The following PJA2 variants were observed in gnomAD, a reference collection of about 807,000 sequenced individuals.
PJA2 encodes the protein praja ring finger ubiquitin ligase 2.
In PJA2, 25 loss-of-function variants were observed where a neutral mutation model predicts 69.3. The ratio of observed to expected loss-of-function variants is 0.36; its 90% confidence interval spans 0.26 to 0.50. The LOEUF (loss-of-function observed/expected upper bound fraction) is 0.50. Ranked by LOEUF, PJA2 falls within the 20% of genes least tolerant of loss-of-function variation. PJA2 has a pLI of 0.96. For missense variants in PJA2, 809 were observed against 830.2 expected, an observed-to-expected ratio of 0.97 and a Z score of 0.31; for synonymous variants, 308 against 277.8, an observed-to-expected ratio of 1.11 and a Z score of -1.08.
At position 109,362,872 on chromosome 5, in the gene PJA2, G is replaced by A; in HGVS notation, c.1620C>T (p.Ser540=). 2 of 1,612,418 alleles carry A rather than the reference G, an allele frequency of 1.2e-6. No individual in the cohort carries two copies. The highest frequency in any genetic ancestry group is 1.3e-5 in the African/African-American group (1 of 75,000). Residue 540 remains serine (S), a synonymous_variant, in exon 6 of 10, where the codon TCC becomes TCT. Coordinates refer to ENST00000361189, the MANE Select transcript of PJA2 (RefSeq NM_014819.5). ...LDGNNNLEDD[S]SVSEDLDVDW... ...CCACATCTAAGTCTTCACTCACACTGGAGTCATCCTCCAGGTTATTGTTAC... is the reference window on the plus strand; with the variant it reads ...CCACATCTAAGTCTTCACTCACACTAGAGTCATCCTCCAGGTTATTGTTAC...
Position 109,378,615 on chromosome 5 carries a change from C to A in PJA2, c.872G>T (p.Gly291Val). 1.2e-6 allele frequency: 2 copies of A among 1,614,112 alleles called. No individual in the cohort carries two copies. The highest frequency in any genetic ancestry group is 2.2e-5 in the East Asian group (1 of 44,886). Reference sequence around the variant, plus strand: ...GGTATTTTGTTCACTACAAATATGCCCTGGACCACAGGCTGCATCTTCAGG... The same window carrying A: ...GGTATTTTGTTCACTACAAATATGCACTGGACCACAGGCTGCATCTTCAGG... Reference protein sequence around the residue: ...HSPEDAACGPGHICSEQNTND... With the variant: ...HSPEDAACGPVHICSEQNTND... The change falls in exon 4 of 10, where the codon GGG becomes GTG. Residue 291 changes from glycine to valine, a missense_variant. Physicochemically the swap from Gly to Val is moderately radical, Grantham distance 109. Around this residue, in one of 4 missense-constraint regions of PJA2, gnomAD observed 700 missense variants for 639.5 expected, o/e 1.09. Coordinates refer to ENST00000361189, the MANE Select transcript of PJA2 (RefSeq NM_014819.5).
intron 1 of PJA2, among the ~76,000 whole-genome samples, chr5:109,408,871 C>T (rs1380095499): frequency 6.6e-6 from 1 of 152,202 alleles, no homozygotes; most frequent in African/African-American, 2.4e-5. Flanking sequence ...TAGCCTTCAG[C>T]AAAGGTGACT....
Position 109,342,266 on chromosome 5 carries a change from G to A in PJA2, c.2001+1924C>T, listed in dbSNP as rs867100011. 7.9e-3 allele frequency among the ~76,000 whole-genome samples: 560 copies of A among 70,692 alleles called. 1 individual carries two copies. Among genetic ancestry groups the A allele is most frequent in the Non-Finnish European group, 0.011 (360 of 32,236 alleles). 46.4% of individuals were successfully genotyped at this position (70,692 alleles called of 152,430 possible). A position where few individuals can be genotyped will look rare whatever the true frequency, so the allele number is the denominator to read the frequency against. On this transcript the variant is annotated intron_variant, in intron 9 of 9. Transcript: ENST00000361189. Reference sequence around the variant, plus strand: ...AGGTGAGGGGCGCCTCTGCCCGGCCGCCCCTACTGGGAAGTGAGGAGCCCC... The same window carrying A: ...AGGTGAGGGGCGCCTCTGCCCGGCCACCCCTACTGGGAAGTGAGGAGCCCC...
intron 5 of PJA2, 117 bp downstream of exon 5, chr5:109,368,444 G>T (rs1582604955): frequency 1.3e-6 from 1 of 786,492 alleles, no homozygotes. Flanking sequence ...AATCAGGGGG[G>T]CCTACTGGTT....
chr5:109,343,289 A>G (rs1415612341), intron 9 of PJA2, among the ~76,000 whole-genome samples: 3 of 59,662 alleles, frequency 5.0e-5, no homozygotes, highest in Admixed American at 2.3e-4. Context: ...AAAAAAAAAA[A>G]AAAGAAAGAA....
chr5:109,344,357 T>C (rs1230409707), intron 8 of PJA2, 46 bp from the exon 9 acceptor site: 6 of 1,551,692 alleles, frequency 3.9e-6, no homozygotes, highest in Non-Finnish European at 4.3e-6. Context: ...AGTTCAATTT[T>C]AGTAAAACTG....
At chr5:109,354,358 T>TATGATATCTCGAG (rs547023539) in intron 7 of PJA2, among the ~76,000 whole-genome samples, 1 of 112,702 alleles carries the variant, frequency 8.9e-6, no homozygotes, top group African/African-American at 3.9e-5. Context: ...ATTGGATATC[T>TATGATATCTCGAG]ATATCTAGAG....
At chr5:109,350,734 C>A (rs1245160410) in intron 7 of PJA2, among the ~76,000 whole-genome samples, 1 of 152,156 alleles carries the variant, frequency 6.6e-6, no homozygotes. Flanking sequence ...GGTCACACAG[C>A]CAAACTCTTT....
chr5:109,339,052 A>C (rs1761995288), intron 9 of PJA2, among the ~76,000 whole-genome samples: 1 of 152,232 alleles, frequency 6.6e-6, no homozygotes, highest in African/African-American at 2.4e-5. Flanking sequence ...ATCATGCCAG[A>C]CTTCAGGAGC....
At chr5:109,391,416 TTCTG>T (rs555680360) in intron 1 of PJA2, among the ~76,000 whole-genome samples, 51 of 152,322 alleles carry the variant, frequency 3.3e-4, no homozygotes, top group South Asian at 2.7e-3. Context: ...CCCTCTCTGC[TTCTG>T]TCTGTCTAAA....
intron 7 of PJA2, among the ~76,000 whole-genome samples, chr5:109,345,874 G>A (rs1023185185): frequency 6.6e-6 from 1 of 152,230 alleles, no homozygotes; most frequent in Non-Finnish European, 1.5e-5. Context: ...AGGATGGAAA[G>A]AACATCAGAT....
At position 109,367,368 on chromosome 5, in the gene PJA2, G is replaced by A. The variant is rs1005130670; in HGVS notation, c.1469+1193C>T. On this transcript the variant is annotated intron_variant, in intron 5 of 9. Coordinates refer to ENST00000361189, the MANE Select transcript of PJA2 (RefSeq NM_014819.5). ...TTGAGAAGTACAAGTTTTAATATTA[G>A]TCTACACTGAAAAAGTTCTTTTCCT... 5.6e-4 allele frequency among the ~76,000 whole-genome samples: 79 copies of A among 141,950 alleles called. 1 individual carries two copies. The highest frequency in any genetic ancestry group is 2.3e-3 in the African/African-American group (79 of 34,878). 93.1% of individuals were successfully genotyped at this position (141,950 alleles called of 152,430 possible). A position where few individuals can be genotyped will look rare whatever the true frequency, so the allele number is the denominator to read the frequency against.
At chr5:109,343,460 T>C (rs1762120740) in intron 9 of PJA2, among the ~76,000 whole-genome samples, 1 of 151,808 alleles carries the variant, frequency 6.6e-6, no homozygotes, top group African/African-American at 2.4e-5. Context: ...CTCATATACA[T>C]TTCAGAAACA....
At chr5:109,356,577 C>T (rs1406749667) in intron 6 of PJA2, among the ~76,000 whole-genome samples, 1 of 152,164 alleles carries the variant, frequency 6.6e-6, no homozygotes, top group Admixed American at 6.5e-5. Flanking sequence ...CATTTCCCCA[C>T]CCGATTATTT....
intron 1 of PJA2, among the ~76,000 whole-genome samples, chr5:109,392,356 G>T (rs973241204): frequency 2.0e-5 from 3 of 151,860 alleles, no homozygotes; most frequent in Non-Finnish European, 4.4e-5. Flanking sequence ...AGGCCAGGAG[G>T]TGGAGACCAG....
At chr5:109,353,217 T>A (rs914922213) in intron 7 of PJA2, among the ~76,000 whole-genome samples, 2 of 142,028 alleles carry the variant, frequency 1.4e-5, no homozygotes, top group African/African-American at 5.1e-5. Context: ...TATCTATAGA[T>A]ATCTATATAT....
intron 1 of PJA2, among the ~76,000 whole-genome samples, chr5:109,407,993 G>A (rs925562221): frequency 6.6e-6 from 1 of 152,050 alleles, no homozygotes; most frequent in African/African-American, 2.4e-5. Context: ...AGTTTACCTA[G>A]AAGAAGAAAT....
At chr5:109,361,247 T>G (rs893378765) in intron 6 of PJA2, among the ~76,000 whole-genome samples, 2 of 152,204 alleles carry the variant, frequency 1.3e-5, no homozygotes, top group African/African-American at 4.8e-5. Context: ...ATACTACATA[T>G]CTCAGTAATG....
chr5:109,352,131 T>C (rs1289134220), intron 7 of PJA2, among the ~76,000 whole-genome samples: 1 of 152,164 alleles, frequency 6.6e-6, no homozygotes, highest in African/African-American at 2.4e-5. Flanking sequence ...ATAATGCCAC[T>C]GAGTTCACTA....
Sources: allele counts gnomAD v4.1 joint callset (sites outside exome capture counted in the v4.1 genomes callset), GRCh38; gene constraint gnomAD v4.1.1; regional missense constraint gnomAD v4.1.1; transcripts MANE v1.5; gene names NCBI Gene and HGNC (gene_info 2026-07-23, HGNC 2026-07-21).